Variants in TAFA1 observed in about 807,000 individuals in gnomAD.
The protein encoded by TAFA1 is chemokine-like protein TAFA-1.
In TAFA1, 4 loss-of-function variants were observed where a neutral mutation model predicts 18.5. That is an observed-to-expected ratio of 0.22 (90% confidence interval 0.11 to 0.49). The LOEUF (loss-of-function observed/expected upper bound fraction) is 0.49, where lower values mean the gene tolerates loss of function less well. Ranked by LOEUF, TAFA1 falls within the 20% of genes least tolerant of loss-of-function variation. The pLI, the probability that TAFA1 is intolerant of heterozygous loss-of-function variation, is 0.98. For synonymous variants in TAFA1, 56 were observed against 55.2 expected, an observed-to-expected ratio of 1.01 and a Z score of -0.06; for missense variants, 147 against 169.0, an observed-to-expected ratio of 0.87 and a Z score of 0.72.
At chr3:68,162,078 C>T (rs2065931720) in intron 2 of TAFA1, among the ~76,000 whole-genome samples, 1 of 152,174 alleles carries the variant, frequency 6.6e-6, no homozygotes, top group Non-Finnish European at 1.5e-5. Flanking sequence ...AAAACATTTG[C>T]CAATTGCTGG....
At chr3:68,280,265 G>A (rs1246365849) in intron 2 of TAFA1, among the ~76,000 whole-genome samples, 1 of 152,058 alleles carries the variant, frequency 6.6e-6, no homozygotes, top group Non-Finnish European at 1.5e-5. Context: ...GACTATAATT[G>A]TCCATCACTC....
At chr3:68,447,604 T>C (rs1395687195) in intron 3 of TAFA1, among the ~76,000 whole-genome samples, 1 of 152,212 alleles carries the variant, frequency 6.6e-6, no homozygotes. Context: ...AACAGTTAGA[T>C]GGGTGTGGAT....
At chr3:68,057,880 G>A (rs1467281064) in intron 2 of TAFA1, among the ~76,000 whole-genome samples, 1 of 152,194 alleles carries the variant, frequency 6.6e-6, no homozygotes, top group East Asian at 1.9e-4. Context: ...AGAAGCTAGA[G>A]AAGGCAAACA....
chr3:68,539,677 GT>G (rs762510256), intron 4 of TAFA1, among the ~76,000 whole-genome samples: 1,595 of 17,806 alleles, frequency 0.09, 225 homozygotes, highest in East Asian at 0.33. Flanking sequence ...GTGTGTGTGT[GT>G]GGGGGGGCAT....
intron 3 of TAFA1, among the ~76,000 whole-genome samples, chr3:68,444,771 A>AAAAT (rs2071446085): frequency 7.9e-6 from 1 of 127,268 alleles, no homozygotes; most frequent in Non-Finnish European, 1.7e-5. Flanking sequence ...GTTTCTACAA[A>AAAAT]ATATATATAT....
intron 2 of TAFA1, among the ~76,000 whole-genome samples, chr3:68,127,029 G>A (rs1400636797): frequency 6.6e-6 from 1 of 152,172 alleles, no homozygotes; most frequent in Non-Finnish European, 1.5e-5. Context: ...TTACTATGTA[G>A]CCTGAAAAGA....
intron 2 of TAFA1, among the ~76,000 whole-genome samples, chr3:68,272,921 T>G (rs370396282): frequency 9.2e-5 from 14 of 152,286 alleles, no homozygotes; most frequent in East Asian, 7.7e-4. Context: ...CCATTCTTTC[T>G]TTTTTCTTTT....
chr3:68,517,983 T>C (rs1177516309), intron 3 of TAFA1, among the ~76,000 whole-genome samples: 1 of 152,110 alleles, frequency 6.6e-6, no homozygotes, highest in East Asian at 1.9e-4. Context: ...CCAGAAATGC[T>C]GAACTAATAG....
chr3:68,194,100 T>A (rs905086522), intron 2 of TAFA1, among the ~76,000 whole-genome samples: 3 of 151,714 alleles, frequency 2.0e-5, no homozygotes, highest in African/African-American at 7.3e-5. Context: ...ACTGGTGAAA[T>A]GTTACAATAC....
intron 3 of TAFA1, among the ~76,000 whole-genome samples, chr3:68,473,469 A>AT (rs947372969): frequency 6.6e-6 from 1 of 151,876 alleles, no homozygotes; most frequent in Non-Finnish European, 1.5e-5. Flanking sequence ...TTTCCAGTCT[A>AT]TTTTTTTTAA....
At chr3:68,363,701 A>G (rs916135343) in intron 2 of TAFA1, among the ~76,000 whole-genome samples, 1 of 152,192 alleles carries the variant, frequency 6.6e-6, no homozygotes, top group Non-Finnish European at 1.5e-5. Flanking sequence ...TAGAAGACTC[A>G]TCCCGGTTCT....
At chr3:68,106,709 T>G (rs2065208885) in intron 2 of TAFA1, among the ~76,000 whole-genome samples, 1 of 152,070 alleles carries the variant, frequency 6.6e-6, no homozygotes, top group African/African-American at 2.4e-5. Context: ...AGGACTTGTA[T>G]TCAGAATTTA....
At chr3:68,194,590 A>G (rs762486935) in intron 2 of TAFA1, among the ~76,000 whole-genome samples, 11 of 151,758 alleles carry the variant, frequency 7.2e-5, no homozygotes, top group Non-Finnish European at 1.5e-4. Context: ...GTTGGCAGGG[A>G]GTACATAATA....
intron 2 of TAFA1, among the ~76,000 whole-genome samples, chr3:68,377,734 T>C (rs1449361699): frequency 6.6e-6 from 1 of 152,148 alleles, no homozygotes; most frequent in Non-Finnish European, 1.5e-5. Flanking sequence ...AAGTAACAAG[T>C]GGCCTCAAAG....
At chr3:68,520,090 T>A (rs1022613263) in intron 3 of TAFA1, among the ~76,000 whole-genome samples, 1 of 151,874 alleles carries the variant, frequency 6.6e-6, no homozygotes, top group African/African-American at 2.4e-5. Flanking sequence ...CTGGTGATTG[T>A]TTTTTTTCTT....
intron 3 of TAFA1, among the ~76,000 whole-genome samples, chr3:68,486,327 G>A (rs943086845): frequency 2.0e-5 from 3 of 151,876 alleles, no homozygotes; most frequent in African/African-American, 7.3e-5. Context: ...CCATATACAG[G>A]ATTGTTTTTG....
chr3:68,021,712 A>G (rs746271459), intron 2 of TAFA1, among the ~76,000 whole-genome samples: 2 of 152,228 alleles, frequency 1.3e-5, no homozygotes, highest in African/African-American at 2.4e-5. Context: ...AAGAAGGAAA[A>G]AAAGAAGTTA....
At chr3:68,472,953 A>T (rs190066809) in intron 3 of TAFA1, among the ~76,000 whole-genome samples, 1 of 152,328 alleles carries the variant, frequency 6.6e-6, no homozygotes, top group East Asian at 1.9e-4. Flanking sequence ...TGACAGGCTT[A>T]CATGACTGGC....
Position 68,444,072 on chromosome 3 carries a change from G to T in TAFA1, c.259+26652G>T, listed in dbSNP as rs141609850. ...TTTCCTCCATGGCCCTGTCTCTACA[G>T]CCTCGACAGGTTTTCTTTTTCATCA... is the stretch of plus-strand genomic sequence containing the variant. On this transcript the variant is annotated intron_variant, in intron 3 of 4. Transcript: ENST00000478136. Among the ~76,000 whole-genome samples the T allele has an allele frequency of 7.2e-4, 110 of 152,264 alleles. No homozygotes were observed. In the Middle Eastern group the frequency reaches 0.014, roughly 19 times the overall value.
Sources: allele counts gnomAD v4.1 joint callset (sites outside exome capture counted in the v4.1 genomes callset), GRCh38; gene constraint gnomAD v4.1.1; transcripts MANE v1.5; gene names NCBI Gene and HGNC (gene_info 2026-07-23, HGNC 2026-07-21).